Variants in PCDHGA5 observed in about 807,000 individuals in gnomAD.
PCDHGA5 encodes protocadherin gamma subfamily A, 5.
Under a neutral mutation model 56.7 loss-of-function variants are expected in PCDHGA5, and 36 were observed. The ratio of observed to expected loss-of-function variants is 0.64; its 90% CI spans 0.49 to 0.84. The LOEUF is 0.84. Ranked by LOEUF, PCDHGA5 falls within the 40% of genes least tolerant of loss-of-function variation. PCDHGA5 has a pLI of 0.00. For missense variants in PCDHGA5, 1,305 were observed against 1,201.5 expected, an observed-to-expected ratio of 1.09 and a Z score of -1.27; for synonymous variants, 563 against 520.2, an observed-to-expected ratio of 1.08 and a Z score of -1.12.
Position 141,451,147 on chromosome 5 carries a change from A to G in PCDHGA5, c.2422-43660A>G, listed in dbSNP as rs2098708727. ...CCAGCCTTATGATTGTATTTAGACT[A>G]GACATTTTTTTGGTAGTATATTATT... On this transcript the variant is annotated intron_variant, in intron 1 of 3. Coordinates refer to ENST00000518069, the MANE Select transcript of PCDHGA5 (RefSeq NM_018918.3). Among the ~76,000 whole-genome samples, 3 of 152,250 alleles carry G rather than the reference A, an allele frequency of 2.0e-5. No homozygotes were observed. In the South Asian group the frequency reaches 6.2e-4, roughly 32 times the overall value.
At chr5:141,370,978 T>C (rs2149975927) in intron 1 of PCDHGA5, 1 of 1,613,976 alleles carries the variant, frequency 6.2e-7, no homozygotes, top group Non-Finnish European at 8.5e-7. Flanking sequence ...CCAGAGCTAG[T>C]ACTGAAAGCA....
chr5:141,374,389 T>C (rs746806211), intron 1 of PCDHGA5: 1 of 1,614,028 alleles, frequency 6.2e-7, no homozygotes, highest in South Asian at 1.1e-5. Flanking sequence ...GCCCGCGGTG[T>C]CTGGTGAGTT....
chr5:141,408,112 C>T, intron 1 of PCDHGA5: 1 of 1,460,448 alleles, frequency 6.8e-7, no homozygotes, highest in African/African-American at 1.4e-5. Flanking sequence ...CCCGGGACTC[C>T]TCCTGTCCTG....
chr5:141,482,752 T>C (rs1361016909), intron 1 of PCDHGA5, among the ~76,000 whole-genome samples: 1 of 127,096 alleles, frequency 7.9e-6, no homozygotes, highest in Non-Finnish European at 1.6e-5. Context: ...AGAGGGATTA[T>C]GGTATTTCAT....
rs1458508114 is a variant in PCDHGA5, at chr5:141,489,523, C to T, written c.2422-5284C>T. ...GAATCAAAAGATTGACCGAGAAAGC[C>T]TATGTGGAGCCAGCACCAGCTGCCT... On this transcript the variant is annotated intron_variant, in intron 1 of 3. Transcript: ENST00000518069. This position sits in a 1 kb window ranked among gnomAD's most constrained non-coding sequence, Gnocchi z 4.5. The T allele has an allele frequency of 3.5e-5, 56 of 1,614,006 alleles. No homozygotes were observed. The highest frequency in any genetic ancestry group is 4.5e-5 in the Non-Finnish European group (53 of 1,180,044).
At chr5:141,371,459 T>C in intron 1 of PCDHGA5, 1 of 1,613,970 alleles carries the variant, frequency 6.2e-7, no homozygotes, top group Non-Finnish European at 8.5e-7. Context: ...AATCCCAACA[T>C]ATACAAGAAG....
intron 1 of PCDHGA5, chr5:141,377,997 G>C (rs1774530725): frequency 6.6e-6 from 1 of 152,122 alleles, no homozygotes; most frequent in African/African-American, 2.4e-5. Flanking sequence ...CCTAAAGCTT[G>C]GCTCAAATAA....
intron 1 of PCDHGA5, chr5:141,384,826 G>C (rs750050142): frequency 6.2e-7 from 1 of 1,613,472 alleles, no homozygotes; most frequent in Non-Finnish European, 8.5e-7. Flanking sequence ...GCAGAGCCTC[G>C]TGGTGGCCGT....
intron 1 of PCDHGA5, chr5:141,371,432 G>A (rs751667760): frequency 1.9e-6 from 3 of 1,614,002 alleles, no homozygotes; most frequent in South Asian, 1.1e-5. Context: ...ATGCCCCGGA[G>A]ATAACCCTGG....
chr5:141,390,003 C>A, intron 1 of PCDHGA5: 1 of 1,614,056 alleles, frequency 6.2e-7, no homozygotes, highest in Non-Finnish European at 8.5e-7. Flanking sequence ...GGCCATGATT[C>A]TGGCCATTGC....
At chr5:141,388,668 C>T in intron 1 of PCDHGA5, 1 of 1,613,882 alleles carries the variant, frequency 6.2e-7, no homozygotes, top group Non-Finnish European at 8.5e-7. Context: ...GACCACGGTG[C>T]TACAGGTGAC....
Position 141,489,172 on chromosome 5 carries a change from T to G in PCDHGA5, c.2422-5635T>G. 1 of 1,199,026 alleles carries G rather than the reference T, an allele frequency of 8.3e-7. No individual in the cohort carries two copies. Among genetic ancestry groups the G allele is most frequent in the East Asian group, 2.4e-5 (1 of 42,106 alleles). The allele number at this position is 1,199,026 out of a possible 1,614,324, so 74.3% of individuals were successfully genotyped here. ...ACATAAGAGACTTCAGCTGCTGCATTCCAAGCCCTGGGTCTACCTTGGAGA... is the reference window on the plus strand; with the variant it reads ...ACATAAGAGACTTCAGCTGCTGCATGCCAAGCCCTGGGTCTACCTTGGAGA... On this transcript the variant is annotated intron_variant, in intron 1 of 3. Coordinates refer to ENST00000518069, the MANE Select transcript of PCDHGA5 (RefSeq NM_018918.3). This position sits in a 1 kb window ranked among gnomAD's most constrained non-coding sequence, Gnocchi z 4.5.
rs9324852 is a variant in PCDHGA5, at chr5:141,510,333, C to T, written c.2570-614C>T. On this transcript the variant is annotated intron_variant, in intron 3 of 3. Coordinates refer to ENST00000518069, the MANE Select transcript of PCDHGA5 (RefSeq NM_018918.3). ...AGGCTTGGAAGAGCACTCTTCACCC[C>T]CACCCCACACACTTACTAACGGAAC... Among the ~76,000 whole-genome samples the T allele has an allele frequency of 2.4e-3, 367 of 151,698 alleles. 1 individual carries two copies. Among genetic ancestry groups the T allele is most frequent in the African/African-American group, 8.4e-3 (348 of 41,384 alleles).
intron 1 of PCDHGA5, chr5:141,389,228 G>A (rs1172706843): frequency 2.5e-6 from 4 of 1,614,024 alleles, no homozygotes; most frequent in African/African-American, 2.7e-5. Context: ...ACAACGCTCC[G>A]GTTTTCTCAC....
intron 1 of PCDHGA5, among the ~76,000 whole-genome samples, chr5:141,455,997 A>C (rs1373055623): frequency 1.3e-5 from 2 of 151,626 alleles, no homozygotes. Context: ...TCTCGGGTTC[A>C]TGCCATTCTC....
rs965707754 is a variant in PCDHGA5 at position 141,505,329 on chromosome 5, G to A, written c.2481-64G>A. On this transcript the variant is annotated intron_variant, in intron 2 of 3. Coordinates refer to ENST00000518069, the MANE Select transcript of PCDHGA5 (RefSeq NM_018918.3). ...ACTAGGTTTGGGAGCCCTGGGAGAG[G>A]ACAGGAGGGGCATGAGCTGTGCCGG... is the stretch of plus-strand genomic sequence containing the variant. The A allele has an allele frequency of 2.5e-6, 4 of 1,610,060 alleles. No individual in the cohort carries two copies. The African/African-American group carries it at 5.3e-5, about 22-fold the overall frequency.
Position 141,477,912 on chromosome 5 carries a change from A to T in PCDHGA5, c.2422-16895A>T. The T allele has an allele frequency of 6.2e-7, 1 of 1,614,166 alleles. No individual in the cohort carries two copies. Among genetic ancestry groups the T allele is most frequent in the Non-Finnish European group, 8.5e-7 (1 of 1,180,022 alleles). ...TCACGGGTGGTAGGCTGGGACGCGGATGCAGGGCACAATGCCTGGCTCTCC... is the reference window on the plus strand; with the variant it reads ...TCACGGGTGGTAGGCTGGGACGCGGTTGCAGGGCACAATGCCTGGCTCTCC... On this transcript the variant is annotated intron_variant, in intron 1 of 3. Coordinates refer to ENST00000518069, the MANE Select transcript of PCDHGA5 (RefSeq NM_018918.3). This position sits in a 1 kb window ranked among gnomAD's most constrained non-coding sequence, Gnocchi z 4.9.
At chr5:141,496,759 C>T (rs1287940646) in intron 2 of PCDHGA5, among the ~76,000 whole-genome samples, 2 of 152,038 alleles carry the variant, frequency 1.3e-5, no homozygotes, top group South Asian at 4.2e-4. Context: ...AAATATTTAT[C>T]GAGCATCTAC....
At chr5:141,438,630 A>T (rs1232206839) in intron 1 of PCDHGA5, among the ~76,000 whole-genome samples, 1 of 38,920 alleles carries the variant, frequency 2.6e-5, no homozygotes, top group East Asian at 8.1e-4. Context: ...ATATATATAT[A>T]TATATACACA....
Sources: gnomAD v4.1 joint callset for allele counts (sites outside exome capture counted in the v4.1 genomes callset) on GRCh38, gnomAD v4.1.1 for gene constraint, Gnocchi (gnomAD v3.1) non-coding constraint, MANE v1.5 for transcripts, NCBI Gene and HGNC (gene_info 2026-07-23, HGNC 2026-07-21) for gene names.